GNA15: variants seen among roughly 807,000 people sequenced by gnomAD.
GNA15 encodes the protein guanine nucleotide-binding protein subunit alpha-15.
GNA15 carries 23 observed loss-of-function variants against 40.1 expected under a neutral mutation model. The ratio of observed to expected loss-of-function variants is 0.57; its 90% confidence interval spans 0.41 to 0.81. The LOEUF (loss-of-function observed/expected upper bound fraction) is 0.81, where lower values mean the gene tolerates loss of function less well. Ranked by LOEUF, GNA15 falls within the 40% of genes least tolerant of loss-of-function variation. The pLI is 0.00. For synonymous variants in GNA15, 226 were observed against 210.4 expected (o/e 1.07, Z -0.64); for missense variants, 522 against 515.8 (o/e 1.01, Z -0.12).
chr19:3,149,992 G>C (rs170159), intron 2 of GNA15, 139 bp from the exon 3 acceptor site: 508,941 of 669,542 alleles, frequency 0.76, 194,338 homozygotes, highest in African/African-American at 0.82. Context: ...GTGCGGGGGG[G>C]TCGGGAGCTC....
At chr19:3,156,553 C>A (rs1348536959) in intron 5 of GNA15, among the ~76,000 whole-genome samples, 2 of 152,178 alleles carry the variant, frequency 1.3e-5, no homozygotes, top group Non-Finnish European at 2.9e-5. Flanking sequence ...AGTGCAGTGG[C>A]GCGATCTCGG....
chr19:3,142,900 A>G (rs1177756792), intron 1 of GNA15, among the ~76,000 whole-genome samples: 1 of 151,696 alleles, frequency 6.6e-6, no homozygotes, highest in Non-Finnish European at 1.5e-5. Context: ...CAAAAAGTAA[A>G]AAAAAGGAAG....
Position 3,136,099 on chromosome 19 carries a change from C to T in GNA15, c.-352C>T, listed in dbSNP as rs1427081399. On this transcript the variant is annotated 5_prime_UTR_variant, in exon 1 of 7. Transcript: ENST00000262958. This position sits in a 1 kb window ranked among gnomAD's most constrained non-coding sequence, Gnocchi z 4.9. ...TCTGCGGTGGGGGTTTTCCCGCCAC[C>T]GCCCCGCCCTCCCTGGGGCCCCCAC... The T allele has an allele frequency of 4.4e-5, 8 of 181,140 alleles. No individual in the cohort carries two copies. The East Asian group carries it at 7.6e-4, about 17-fold the overall frequency. 11.2% of individuals were successfully genotyped at this position (181,140 alleles called of 1,614,324 possible).
intron 2 of GNA15, 117 bp from the exon 3 acceptor site, chr19:3,150,011 AAGG>A: frequency 1.3e-6 from 1 of 783,936 alleles, no homozygotes; most frequent in Non-Finnish European, 2.0e-6. Context: ...TCTGGGGAAG[AAGG>A]AGAGCAGTGG....
chr19:3,157,585 A>T lies in GNA15; in HGVS notation c.745-143A>T, dbSNP rs187270361. On this transcript the variant is annotated intron_variant, in intron 5 of 6. Coordinates refer to ENST00000262958, the MANE Select transcript of GNA15 (RefSeq NM_002068.4). ...CCCAGGCAGCTGTCCATATGGAAAC[A>T]CGGGCACACCCGCCTCAGCCCCAGC... 255 of 676,040 alleles carry T rather than the reference A, an allele frequency of 3.8e-4. 2 individuals carry two copies. Among genetic ancestry groups the T allele is most frequent in the Middle Eastern group, 8.3e-4 (2 of 2,406 alleles). The allele number at this position is 676,040 out of a possible 1,614,324, so 41.9% of individuals were successfully genotyped here. A position where few individuals can be genotyped will look rare whatever the true frequency, so the allele number is the denominator to read the frequency against.
intron 1 of GNA15, among the ~76,000 whole-genome samples, chr19:3,138,186 A>C (rs556169390): frequency 1.3e-5 from 2 of 152,232 alleles, no homozygotes; most frequent in East Asian, 3.9e-4. Flanking sequence ...GAATCGCTTG[A>C]AACCAGGAGG....
chr19:3,160,440 C>T (rs889725837), intron 6 of GNA15, among the ~76,000 whole-genome samples: 4 of 152,212 alleles, frequency 2.6e-5, no homozygotes, highest in Admixed American at 2.0e-4. Flanking sequence ...GACTTCAGCC[C>T]AGGTGGAAGC....
intron 1 of GNA15, chr19:3,142,455 A>G (rs1333498000): frequency 6.6e-6 from 1 of 152,212 alleles, no homozygotes; most frequent in Non-Finnish European, 1.5e-5. Flanking sequence ...AAGAGGAAAA[A>G]AAAATCAGTG....
At chr19:3,159,210 G>A (rs536812063) in intron 6 of GNA15, among the ~76,000 whole-genome samples, 5 of 151,060 alleles carry the variant, frequency 3.3e-5, no homozygotes, top group South Asian at 2.1e-4. Context: ...ATTTTTGGTC[G>A]AGATGGGGTT....
chr19:3,136,576 G>T lies in GNA15; in HGVS notation c.126G>T (p.Glu42Asp). 6.4e-7 allele frequency: 1 copy of T among 1,561,718 alleles called. No homozygotes were observed. Among genetic ancestry groups the T allele is most frequent in the Non-Finnish European group, 8.7e-7 (1 of 1,153,294 alleles). ...AGCAGAAGAAGCAGGACCGCGGGGA[G>T]CTGAAGCTGCTGCTTTTGGGTGAGT... Reference protein sequence around the residue: ...LLEQKKQDRGELKLLLLGPGE... With the variant: ...LLEQKKQDRGDLKLLLLGPGE... The change falls in exon 1 of 7, where the codon GAG (glutamate) becomes GAT (aspartate). Residue 42 changes from glutamate (E) to aspartate (D), a missense_variant. Glu to Asp is a conservative substitution (Grantham distance 45, BLOSUM62 2). Coordinates refer to ENST00000262958, the MANE Select transcript of GNA15 (RefSeq NM_002068.4). The surrounding 1 kb of genome is among the most constrained non-coding windows in gnomAD (Gnocchi z 4.9).
intron 1 of GNA15, among the ~76,000 whole-genome samples, chr19:3,147,083 GC>G: frequency 6.6e-6 from 1 of 152,058 alleles, no homozygotes; most frequent in East Asian, 1.9e-4. Flanking sequence ...TCACTGAGAG[GC>G]CTTCCTTGAC....
intron 1 of GNA15, among the ~76,000 whole-genome samples, chr19:3,144,380 G>A (rs74370640): frequency 6.6e-5 from 10 of 152,170 alleles, no homozygotes; most frequent in East Asian, 1.9e-4. Flanking sequence ...TCCGCTGCAG[G>A]AATATTAGTG....
intron 1 of GNA15, among the ~76,000 whole-genome samples, chr19:3,145,198 C>T (rs1914683015): frequency 6.7e-6 from 1 of 149,240 alleles, no homozygotes. Context: ...GAGACAAGGT[C>T]TTGTTCTGTC....
intron 1 of GNA15, among the ~76,000 whole-genome samples, chr19:3,141,031 AT>A (rs755487981): frequency 7.3e-5 from 11 of 151,628 alleles, no homozygotes; most frequent in Non-Finnish European, 1.5e-4. Flanking sequence ...CAGGAATTGA[AT>A]CCAAAAGCTG....
chr19:3,156,508 G>GTGCACACACACA (rs1410511088), intron 5 of GNA15, among the ~76,000 whole-genome samples: 1 of 151,632 alleles, frequency 6.6e-6, no homozygotes, highest in East Asian at 1.9e-4. Context: ...ACACACATGC[G>GTGCACACACACA]TGCACACACA....
intron 5 of GNA15, among the ~76,000 whole-genome samples, chr19:3,156,966 T>G (rs188405187): frequency 4.6e-5 from 7 of 152,052 alleles, no homozygotes; most frequent in African/African-American, 1.7e-4. Context: ...GGAAATATGA[T>G]GTACCCCATA....
At chr19:3,141,171 G>A (rs548104904) in intron 1 of GNA15, among the ~76,000 whole-genome samples, 20 of 152,146 alleles carry the variant, frequency 1.3e-4, no homozygotes, top group African/African-American at 4.3e-4. Context: ...GAATGAAGCC[G>A]TGAGCCGGGT....
chr19:3,156,247 G>A lies in GNA15; in HGVS notation c.744+295G>A, dbSNP rs550626106. Among the ~76,000 whole-genome samples, 352 of 109,536 alleles carry A rather than the reference G, an allele frequency of 3.2e-3. 2 individuals are homozygous for A. The highest frequency in any genetic ancestry group is 0.012 in the African/African-American group (337 of 27,174). 71.9% of individuals were successfully genotyped at this position (109,536 alleles called of 152,430 possible). ...ATACACAATGCATGCACACAAACAC[G>A]CACAGACACGTGCATAATACATGCA... is the stretch of plus-strand genomic sequence containing the variant. On this transcript the variant is annotated intron_variant, in intron 5 of 6. Transcript: ENST00000262958.
Position 3,148,584 on chromosome 19 carries a change from T to A in GNA15, c.146-7T>A, listed in dbSNP as rs200477236. On this transcript the variant is annotated splice_region_variant and splice_polypyrimidine_tract_variant and intron_variant, in intron 1 of 6. Transcript: ENST00000262958. ...AGGGCTGAGCGGTTCTGCTGCTCCA[T>A]CCCCAGGCCCAGGCGAGAGCGGGAA... is the stretch of plus-strand genomic sequence containing the variant. 83 of 1,564,908 alleles carry A rather than the reference T, an allele frequency of 5.3e-5. No homozygotes were observed. Among genetic ancestry groups the A allele is most frequent in the Non-Finnish European group, 6.6e-5 (76 of 1,154,616 alleles).
Sources: allele counts gnomAD v4.1 joint callset (sites outside exome capture counted in the v4.1 genomes callset), GRCh38; gene constraint gnomAD v4.1.1; non-coding constraint Gnocchi (gnomAD v3.1); transcripts MANE v1.5; gene names NCBI Gene and HGNC (gene_info 2026-07-23, HGNC 2026-07-21).